ZNF83: variants seen among roughly 807,000 people sequenced by gnomAD.
ZNF83 encodes zinc finger protein 816B.
For missense variants in ZNF83, 552 were observed against 629.9 expected, an observed-to-expected ratio of 0.88 and a Z score of 1.32; for synonymous variants, 209 against 213.0, an observed-to-expected ratio of 0.98 and a Z score of 0.17.
At chr19:52,647,773 A>G (rs2061391921) in intron 3 of ZNF83, among the ~76,000 whole-genome samples, 1 of 150,934 alleles carries the variant, frequency 6.6e-6, no homozygotes, top group South Asian at 2.1e-4. Context: ...CATCCTTGGA[A>G]CTTATATAAC....
At chr19:52,631,699 C>T (rs1467840110) in intron 2 of ZNF83, among the ~76,000 whole-genome samples, 3 of 152,266 alleles carry the variant, frequency 2.0e-5, no homozygotes, top group South Asian at 4.1e-4. Context: ...GACATTCACA[C>T]CATTTCCCCA....
Position 52,637,874 on chromosome 19 carries a change from G to A in ZNF83, c.-322+438C>T, listed in dbSNP as rs2061204634. Reference sequence around the variant, plus strand: ...AGGAGGGAGGTGGGGGGGAGACGGCGCCTTAAGACAAGGTTGGGGTCTGCA... The same window carrying A: ...AGGAGGGAGGTGGGGGGGAGACGGCACCTTAAGACAAGGTTGGGGTCTGCA... On this transcript the variant is annotated intron_variant, in intron 1 of 2. Transcript: ENST00000301096. Among the ~76,000 whole-genome samples, 4 of 152,220 alleles carry A rather than the reference G, an allele frequency of 2.6e-5. No homozygotes were observed. In the South Asian group the frequency reaches 8.3e-4, roughly 32 times the overall value.
intron 2 of ZNF83, chr19:52,619,012 C>T (rs1441750264): frequency 6.2e-7 from 1 of 1,602,834 alleles, no homozygotes. Context: ...CCAGGCATTT[C>T]CACTCCTCCT....
chr19:52,683,613 T>C (rs2061965036), intron 1 of ZNF83, among the ~76,000 whole-genome samples: 1 of 151,938 alleles, frequency 6.6e-6, no homozygotes, highest in African/African-American at 2.4e-5. Context: ...AGTGAGGCAG[T>C]TCACACAGAT....
intron 2 of ZNF83, among the ~76,000 whole-genome samples, chr19:52,659,082 G>A (rs914256493): frequency 1.3e-5 from 2 of 152,104 alleles, no homozygotes; most frequent in African/African-American, 4.8e-5. Flanking sequence ...GCCAGGGTCC[G>A]TGGGCAGACC....
At chr19:52,628,061 A>AT (rs138796477) in intron 2 of ZNF83, among the ~76,000 whole-genome samples, 39,124 of 151,824 alleles carry the variant, frequency 0.26, 5,239 homozygotes, top group African/African-American at 0.33. Context: ...CCCAAATCCT[A>AT]TAAAATGGCC....
rs111796773 is a variant in ZNF83, at chr19:52,644,052, T to C, written c.-73-8899A>G. On this transcript the variant is annotated intron_variant, in intron 3 of 5. Coordinates refer to the ZNF83 transcript ENST00000594682. ...TTTTGTCCTGGGGAACACGGGAAGC[T>C]GGTGGAGGGTTCCCTGCCAGGGACT... Among the ~76,000 whole-genome samples, 376 of 152,222 alleles carry C rather than the reference T, an allele frequency of 2.5e-3. 1 individual carries two copies. The highest frequency in any genetic ancestry group is 7.7e-3 in the African/African-American group (318 of 41,552).
Position 52,687,584 on chromosome 19 carries a change from A to ATATATATATAATG in ZNF83, c.-283+2858_-283+2859insCATTATATATATA, listed in dbSNP as rs1568588728. On this transcript the variant is annotated intron_variant, in intron 1 of 5. Transcript: ENST00000594682. The stretch of plus-strand genomic sequence containing the variant: ...TTTTATATATATATAAATTTTATAT[A>ATATATATATAATG]TATATATATATAATGTATATATATA... Among the ~76,000 whole-genome samples the ATATATATATAATG allele has an allele frequency of 1.6e-4, 6 of 37,328 alleles. 1 individual carries two copies. The highest frequency in any genetic ancestry group is 8.2e-4 in the African/African-American group (3 of 3,658). 24.5% of individuals were successfully genotyped at this position (37,328 alleles called of 152,430 possible). A position where few individuals can be genotyped will look rare whatever the true frequency, so the allele number is the denominator to read the frequency against.
chr19:52,676,048 C>T (rs923704683), intron 1 of ZNF83, among the ~76,000 whole-genome samples: 1 of 152,082 alleles, frequency 6.6e-6, no homozygotes, highest in Admixed American at 6.5e-5. Context: ...TCTCGCTCTC[C>T]CTCTCCCTCT....
intron 3 of ZNF83, chr19:52,654,780 A>C: frequency 6.4e-6 from 1 of 155,744 alleles, no homozygotes; most frequent in Non-Finnish European, 1.4e-5. Flanking sequence ...TGTCCTCCCT[A>C]AGAGGAATTT....
chr19:52,647,540 C>T (rs2061388085), intron 3 of ZNF83, among the ~76,000 whole-genome samples: 1 of 152,050 alleles, frequency 6.6e-6, no homozygotes, highest in South Asian at 2.1e-4. Flanking sequence ...CCTCAGTCTC[C>T]TAAAGTGCTG....
intron 1 of ZNF83, among the ~76,000 whole-genome samples, chr19:52,683,514 G>A (rs1165210686): frequency 1.7e-5 from 2 of 117,258 alleles, no homozygotes; most frequent in Non-Finnish European, 3.5e-5. Context: ...CCTTCCTGAA[G>A]GGAATCCAAA....
chr19:52,656,128 G>T (rs1174908537), intron 2 of ZNF83, among the ~76,000 whole-genome samples: 2 of 152,080 alleles, frequency 1.3e-5, no homozygotes, highest in African/African-American at 4.8e-5. Context: ...TAGGAGTATA[G>T]CTTGAGCTCC....
chr19:52,615,122 G>C (rs1021827776), intron 2 of ZNF83, among the ~76,000 whole-genome samples: 1 of 152,114 alleles, frequency 6.6e-6, no homozygotes, highest in African/African-American at 2.4e-5. Context: ...TACTGCAATA[G>C]AAGGAAAACA....
upstream of ZNF83, among the ~76,000 whole-genome samples, chr19:52,642,716 C>A (rs77414256): frequency 7.9e-5 from 12 of 152,160 alleles, no homozygotes; most frequent in East Asian, 2.3e-3. Flanking sequence ...ACAGTAAAGT[C>A]CAAGGGTCTA....
rs186889816 is a variant in ZNF83, at chr19:52,652,885, T to C, written c.-74+2676A>G. 3.3e-4 allele frequency: 354 copies of C among 1,063,058 alleles called. 1 individual carries two copies. In the African/African-American group the frequency reaches 4.9e-3, roughly 15 times the overall value. 65.9% of individuals were successfully genotyped at this position (1,063,058 alleles called of 1,614,324 possible). A position where few individuals can be genotyped will look rare whatever the true frequency, so the allele number is the denominator to read the frequency against. On this transcript the variant is annotated intron_variant, in intron 3 of 5. Transcript: ENST00000594682. ...ATGACTGAAGGTCTTGCCACACTCA[T>C]TGCACTTGTAAGGTTTCTCTCCACT... is the stretch of plus-strand genomic sequence containing the variant.
exon 3 of ZNF83, chr19:52,613,550 G>GAAT: frequency 2.5e-6 from 4 of 1,614,144 alleles, no homozygotes; most frequent in Non-Finnish European, 3.4e-6. Context: ...TCTCCAGTGT[G>GAAT]GATTCTCCAG....
chr19:52,672,604 C>T (rs1159109278), intron 1 of ZNF83, among the ~76,000 whole-genome samples: 1 of 152,034 alleles, frequency 6.6e-6, no homozygotes, highest in Non-Finnish European at 1.5e-5. Flanking sequence ...AATTAAGTTA[C>T]TTATTTATTT....
intron 1 of ZNF83, chr19:52,635,371 G>C: frequency 3.6e-6 from 1 of 278,952 alleles, no homozygotes; most frequent in Non-Finnish European, 6.6e-6. Context: ...CTGCAGCAGT[G>C]GGGAGCTGGG....
Sources: gnomAD v4.1 joint callset for allele counts (sites outside exome capture counted in the v4.1 genomes callset) on GRCh38, gnomAD v4.1.1 for gene constraint, MANE v1.5 for transcripts, NCBI Gene and HGNC (gene_info 2026-07-23, HGNC 2026-07-21) for gene names.